The following UGT1A10 variants were observed in gnomAD, a reference collection of about 807,000 sequenced individuals.
The protein encoded by UGT1A10 is UDP glucuronosyltransferase family 1 member A10, also known as UDP-glucuronosyltransferase 1A10.
A neutral mutation model predicts 45.8 loss-of-function variants in UGT1A10; 49 were observed. That is an observed-to-expected ratio of 1.07 (90% CI 0.85 to 1.36). UGT1A10 has a LOEUF of 1.36. Ranked by LOEUF, UGT1A10 falls within the 40% of genes most tolerant of loss-of-function variation. The pLI, the probability that UGT1A10 is intolerant of heterozygous loss-of-function variation, is 0.00. For synonymous variants in UGT1A10, 284 were observed against 249.7 expected (o/e 1.14, Z -1.29); for missense variants, 745 against 668.6 (o/e 1.11, Z -1.26).
chr2:233,682,815 C>A (rs1223109916), intron 1 of UGT1A10: 3 of 1,581,138 alleles, frequency 1.9e-6, no homozygotes, highest in Admixed American at 3.7e-5. Context: ...CCCTTTAGCA[C>A]ATTAAGAATA....
intron 1 of UGT1A10, chr2:233,740,890 A>G (rs1162422597): frequency 6.6e-6 from 1 of 150,830 alleles, no homozygotes; most frequent in Non-Finnish European, 1.5e-5. Context: ...TGCAGGGACA[A>G]CATAGTAGGT....
At chr2:233,707,504 A>G (rs1253461322) in intron 1 of UGT1A10, among the ~76,000 whole-genome samples, 1 of 148,816 alleles carries the variant, frequency 6.7e-6, no homozygotes, top group Non-Finnish European at 1.5e-5. Flanking sequence ...GGTACTTAAC[A>G]TAAATAGAAT....
chr2:233,656,156 C>G (rs1188760334), intron 1 of UGT1A10, among the ~76,000 whole-genome samples: 1 of 152,196 alleles, frequency 6.6e-6, no homozygotes, highest in Non-Finnish European at 1.5e-5. Context: ...GCCATCCTGA[C>G]TCATGCGTAT....
At chr2:233,722,169 C>T (rs923427551) in intron 1 of UGT1A10, 1 of 158,144 alleles carries the variant, frequency 6.3e-6, no homozygotes, top group Admixed American at 6.4e-5. Flanking sequence ...CACCTGGAGA[C>T]CTTTGCCATG....
At chr2:233,664,571 T>G (rs942887899) in intron 1 of UGT1A10, among the ~76,000 whole-genome samples, 3 of 152,176 alleles carry the variant, frequency 2.0e-5, no homozygotes, top group African/African-American at 7.2e-5. Context: ...TGGTAGAAGA[T>G]GAAGCAGGAG....
At chr2:233,725,685 C>T (rs2077466808) in intron 1 of UGT1A10, among the ~76,000 whole-genome samples, 2 of 152,008 alleles carry the variant, frequency 1.3e-5, no homozygotes, top group African/African-American at 4.8e-5. Flanking sequence ...TTCAAGTGCT[C>T]AATAGTCATA....
intron 1 of UGT1A10, among the ~76,000 whole-genome samples, chr2:233,698,662 T>C (rs921935371): frequency 1.3e-5 from 2 of 152,238 alleles, no homozygotes; most frequent in Non-Finnish European, 2.9e-5. Flanking sequence ...TAGGTAACTA[T>C]TGGCCCAACT....
chr2:233,693,488 T>A, intron 1 of UGT1A10: 1 of 1,614,100 alleles, frequency 6.2e-7, no homozygotes, highest in African/African-American at 1.3e-5. Flanking sequence ...CCTGGCTGAG[T>A]ATTTGGGCCT....
intron 1 of UGT1A10, among the ~76,000 whole-genome samples, chr2:233,727,274 G>C (rs779419718): frequency 6.6e-6 from 1 of 152,104 alleles, no homozygotes; most frequent in Non-Finnish European, 1.5e-5. Context: ...CTCATCTCCA[G>C]ACCCTGGAAG....
At chr2:233,672,273 C>A (rs760653064) in intron 1 of UGT1A10, 1 of 1,613,852 alleles carries the variant, frequency 6.2e-7, no homozygotes, top group Non-Finnish European at 8.5e-7. Context: ...TGGGTTCATA[C>A]AATGACATTT....
intron 1 of UGT1A10, among the ~76,000 whole-genome samples, chr2:233,687,550 G>A (rs1236181081): frequency 6.9e-6 from 1 of 145,060 alleles, no homozygotes; most frequent in African/African-American, 2.6e-5. Context: ...CAAGTAAGTG[G>A]GGGAGCCAGA....
chr2:233,705,587 A>T (rs1466841331), intron 1 of UGT1A10, among the ~76,000 whole-genome samples: 1 of 152,138 alleles, frequency 6.6e-6, no homozygotes, highest in Non-Finnish European at 1.5e-5. Context: ...TGGTTTATGG[A>T]TCTGGGAAAG....
At chr2:233,744,855 G>A (rs1452590480) in intron 1 of UGT1A10, among the ~76,000 whole-genome samples, 1 of 151,856 alleles carries the variant, frequency 6.6e-6, no homozygotes, top group Non-Finnish European at 1.5e-5. Flanking sequence ...GTAGTCCTTG[G>A]TATTCTGAAG....
At chr2:233,723,877 C>A (rs1300798569) in intron 1 of UGT1A10, among the ~76,000 whole-genome samples, 1 of 40,764 alleles carries the variant, frequency 2.5e-5, no homozygotes, top group East Asian at 4.6e-4. Flanking sequence ...GATCCCAAGG[C>A]AGAGGAATTT....
At chr2:233,743,463 C>G in intron 1 of UGT1A10, 1 of 1,366,450 alleles carries the variant, frequency 7.3e-7, no homozygotes, top group African/African-American at 1.5e-5. Flanking sequence ...AAAAAACACC[C>G]CCAAAAGCTG....
intron 1 of UGT1A10, chr2:233,648,009 C>T (rs1322599368): frequency 5.6e-6 from 9 of 1,605,664 alleles, no homozygotes; most frequent in Non-Finnish European, 7.7e-6. Context: ...TGGTTGTAGT[C>T]AGGCCAGAGG....
At chr2:233,673,817 T>C (rs1433615483) in intron 1 of UGT1A10, among the ~76,000 whole-genome samples, 2 of 152,212 alleles carry the variant, frequency 1.3e-5, no homozygotes, top group Non-Finnish European at 2.9e-5. Context: ...ACTTATCTTA[T>C]TATTTTGTAG....
intron 2 of UGT1A10, among the ~76,000 whole-genome samples, chr2:233,767,421 A>G (rs1260096333): frequency 6.6e-6 from 1 of 152,234 alleles, no homozygotes; most frequent in Non-Finnish European, 1.5e-5. Context: ...TCAAAAGTGT[A>G]TTAGGGAGAA....
chr2:233,767,898 C>A lies in UGT1A10; in HGVS notation c.1037C>A (p.Thr346Lys), dbSNP rs776227074. ...CGACCATCGAATCTTGCGAACAACA[C>A]GATACTTGTTAAGTGGCTACCCCAA... Reference protein sequence around the residue: ...GTRPSNLANNTILVKWLPQND... With the variant: ...GTRPSNLANNKILVKWLPQND... The change falls in exon 3 of 5, where the codon ACG becomes AAG. Residue 346 changes from threonine to lysine, a missense_variant. Thr to Lys is a moderately conservative substitution (Grantham distance 78, BLOSUM62 -1). Coordinates refer to ENST00000344644, the MANE Select transcript of UGT1A10 (RefSeq NM_019075.4). The A allele has an allele frequency of 1.2e-6, 2 of 1,614,152 alleles. No individual in the cohort carries two copies. Among genetic ancestry groups the A allele is most frequent in the Non-Finnish European group, 1.7e-6 (2 of 1,180,048 alleles).
Sources: gnomAD v4.1 joint callset for allele counts (sites outside exome capture counted in the v4.1 genomes callset) on GRCh38, gnomAD v4.1.1 for gene constraint, MANE v1.5 for transcripts, NCBI Gene and HGNC (gene_info 2026-07-23, HGNC 2026-07-21) for gene names.